DACH1: variants seen among roughly 807,000 people sequenced by gnomAD.
The protein encoded by DACH1 is dachshund family transcription factor 1.
In DACH1, 12 loss-of-function variants were observed where a neutral mutation model predicts 54.2. The observed-to-expected ratio is 0.22, with a 90% CI of 0.14 to 0.36. DACH1 has a LOEUF of 0.36. Ranked by LOEUF, DACH1 falls within the 10% of genes least tolerant of loss-of-function variation. The pLI is 1.00. For missense variants in DACH1, 805 were observed against 929.8 expected (o/e 0.87, Z 1.75); for synonymous variants, 386 against 366.2 (o/e 1.05, Z -0.62).
At chr13:71,559,601 G>T (rs1884459510) in intron 5 of DACH1, among the ~76,000 whole-genome samples, 1 of 152,004 alleles carries the variant, frequency 6.6e-6, no homozygotes, top group Non-Finnish European at 1.5e-5. Context: ...TTTATATGTG[G>T]CATCAAAGAG....
At chr13:71,601,600 C>G (rs1034129308) in intron 3 of DACH1, among the ~76,000 whole-genome samples, 2 of 151,748 alleles carry the variant, frequency 1.3e-5, no homozygotes, top group Non-Finnish European at 2.9e-5. Context: ...AATCTCTGCC[C>G]GTCTTTTTTC....
chr13:71,864,214 C>CACACACACACACACA (rs35136330), intron 1 of DACH1, among the ~76,000 whole-genome samples: 18 of 113,252 alleles, frequency 1.6e-4, no homozygotes, highest in African/African-American at 6.0e-4. Context: ...CACACACACA[C>CACACACACACACACA]AACATTTACC....
chr13:71,748,902 T>TTC (rs1182881425), intron 1 of DACH1, among the ~76,000 whole-genome samples: 117 of 26,070 alleles, frequency 4.5e-3, no homozygotes, highest in African/African-American at 5.5e-3. Flanking sequence ...TTCTTTCTCT[T>TTC]TCTTTCTTTC....
chr13:71,707,518 A>G (rs1478749209), intron 1 of DACH1, among the ~76,000 whole-genome samples: 2 of 152,274 alleles, frequency 1.3e-5, no homozygotes, highest in Non-Finnish European at 1.5e-5. Context: ...TTGGCAAGGG[A>G]AAAGAAAGTA....
At chr13:71,754,506 C>T (rs1374165561) in intron 1 of DACH1, among the ~76,000 whole-genome samples, 1 of 152,042 alleles carries the variant, frequency 6.6e-6, no homozygotes, top group African/African-American at 2.4e-5. Context: ...TAGGTCAGCA[C>T]TAAGAGTTTT....
chr13:71,627,701 T>A (rs559798713), intron 3 of DACH1, among the ~76,000 whole-genome samples: 40 of 152,194 alleles, frequency 2.6e-4, no homozygotes, highest in African/African-American at 8.7e-4. Flanking sequence ...ATCCATAGAC[T>A]GTATGCCCCT....
At chr13:71,503,448 A>T (rs1195693973) in intron 6 of DACH1, among the ~76,000 whole-genome samples, 1 of 152,244 alleles carries the variant, frequency 6.6e-6, no homozygotes, top group Non-Finnish European at 1.5e-5. Context: ...ACTTTAAGTT[A>T]GATGAGCCTG....
chr13:71,803,773 C>T (rs1414017790), intron 1 of DACH1, among the ~76,000 whole-genome samples: 6 of 152,150 alleles, frequency 3.9e-5, no homozygotes, highest in Non-Finnish European at 8.8e-5. Context: ...CCTTCTATTC[C>T]TCCCATCTAT....
At chr13:71,679,523 GA>G (rs1431920961) in intron 2 of DACH1, among the ~76,000 whole-genome samples, 1 of 151,566 alleles carries the variant, frequency 6.6e-6, no homozygotes, top group East Asian at 1.9e-4. Flanking sequence ...ATAACTGTGA[GA>G]AAGTAACAAT....
At chr13:71,703,556 G>T (rs79394610) in intron 1 of DACH1, among the ~76,000 whole-genome samples, 1 of 152,176 alleles carries the variant, frequency 6.6e-6, no homozygotes, top group Admixed American at 6.5e-5. Context: ...CACAAGATGC[G>T]TCATAAATAA....
intron 2 of DACH1, among the ~76,000 whole-genome samples, chr13:71,637,323 A>G (rs1420183975): frequency 1.3e-5 from 2 of 152,194 alleles, no homozygotes; most frequent in Non-Finnish European, 2.9e-5. Flanking sequence ...CTCCCCCTCC[A>G]TAAATGCTCA....
chr13:71,612,736 C>A (rs1875429079), intron 3 of DACH1, among the ~76,000 whole-genome samples: 1 of 152,078 alleles, frequency 6.6e-6, no homozygotes, highest in African/African-American at 2.4e-5. Flanking sequence ...GATTATAACA[C>A]CCTACATAGT....
Position 71,688,760 on chromosome 13 carries a change from G to A in DACH1, c.849-6850C>T, listed in dbSNP as rs559043469. Among the ~76,000 whole-genome samples, 637 of 152,166 alleles carry A rather than the reference G, an allele frequency of 4.2e-3. 2 individuals are homozygous for A. Among genetic ancestry groups the A allele is most frequent in the Non-Finnish European group, 7.2e-3 (493 of 68,010 alleles). ...CACTCTCTCAACTATTAACATGGCA[G>A]GTAATTCAGTACACCAAATGAATAA... On this transcript the variant is annotated intron_variant, in intron 1 of 10. Coordinates refer to ENST00000613252, the MANE Select transcript of DACH1 (RefSeq NM_080759.6).
At chr13:71,836,990 T>C (rs979341263) in intron 1 of DACH1, among the ~76,000 whole-genome samples, 2 of 151,678 alleles carry the variant, frequency 1.3e-5, no homozygotes, top group Admixed American at 6.6e-5. Context: ...AATGTAGTTT[T>C]CATCACTTTA....
At chr13:71,577,435 C>A (rs960570042) in intron 3 of DACH1, among the ~76,000 whole-genome samples, 1 of 152,164 alleles carries the variant, frequency 6.6e-6, no homozygotes, top group African/African-American at 2.4e-5. Flanking sequence ...CTCTTCAAAT[C>A]CCATTTTATA....
chr13:71,636,371 T>G (rs1284577512), intron 2 of DACH1, among the ~76,000 whole-genome samples: 3 of 152,070 alleles, frequency 2.0e-5, no homozygotes, highest in African/African-American at 7.2e-5. Context: ...TTAATGCATA[T>G]TTAAAGTTCA....
intron 9 of DACH1, 114 bp from the exon 10 acceptor site, chr13:71,475,323 T>C (rs1877421317): frequency 2.2e-6 from 2 of 921,940 alleles, no homozygotes; most frequent in Admixed American, 4.5e-5. Context: ...TAAATCTTTG[T>C]CATCTTTTAA....
chr13:71,539,954 T>C (rs1593858099), intron 6 of DACH1, among the ~76,000 whole-genome samples: 2 of 152,164 alleles, frequency 1.3e-5, no homozygotes, highest in East Asian at 3.9e-4. Context: ...ATTTAAAAGA[T>C]CATATTCTTA....
intron 6 of DACH1, among the ~76,000 whole-genome samples, chr13:71,503,770 A>G (rs1270672747): frequency 6.6e-6 from 1 of 152,204 alleles, no homozygotes; most frequent in African/African-American, 2.4e-5. Flanking sequence ...TATTACGGAA[A>G]CTATTTCTTA....
Sources: allele counts gnomAD v4.1 joint callset (sites outside exome capture counted in the v4.1 genomes callset), GRCh38; gene constraint gnomAD v4.1.1; transcripts MANE v1.5; gene names NCBI Gene and HGNC (gene_info 2026-07-23, HGNC 2026-07-21).